RALYL: variants seen among roughly 807,000 people sequenced by gnomAD.
The protein encoded by RALYL is RALY RNA binding protein like.
In RALYL, 29 loss-of-function variants were observed where a neutral mutation model predicts 35.1. That is an observed-to-expected ratio of 0.83 (90% confidence interval 0.61 to 1.13). The LOEUF is 1.13. Ranked by LOEUF, RALYL falls within the 50% of genes most tolerant of loss-of-function variation. RALYL has a pLI of 0.00. For synonymous variants in RALYL, 120 were observed against 127.6 expected, an observed-to-expected ratio of 0.94 and a Z score of 0.40; for missense variants, 359 against 360.4, an observed-to-expected ratio of 1.00 and a Z score of 0.03.
intron 2 of RALYL, among the ~76,000 whole-genome samples, chr8:84,710,579 G>T (rs1366903505): frequency 6.7e-6 from 1 of 149,148 alleles, no homozygotes; most frequent in Non-Finnish European, 1.5e-5. Flanking sequence ...TGGGATTACA[G>T]TTGTGAGCCA....
intron 1 of RALYL, among the ~76,000 whole-genome samples, chr8:84,415,222 TTTTTGTTTTG>T (rs1213589684): frequency 7.3e-5 from 11 of 150,992 alleles, no homozygotes; most frequent in Non-Finnish European, 1.0e-4. Context: ...TTTTTTTGTT[TTTTTGTTTTG>T]TTTTGTTTTG....
intron 1 of RALYL, among the ~76,000 whole-genome samples, chr8:84,408,424 G>A (rs1010120323): frequency 9.9e-5 from 15 of 152,242 alleles, no homozygotes; most frequent in African/African-American, 3.6e-4. Flanking sequence ...AATAAAATAT[G>A]TCATCCAGCA....
In RALYL at chr8:84,223,217, C is replaced by CCTTCT. The variant is rs1822945110; in HGVS notation, c.-24+38797_-24+38798insTCTTC. The stretch of plus-strand genomic sequence containing the variant: ...TCCCTTCCCTTCCATTCCTCCCTTC[C>CCTTCT]CTTCCCTTCCCTTCCCTTCCCTTCC... On this transcript the variant is annotated intron_variant, in intron 1 of 8. Coordinates refer to ENST00000521268, the MANE Select transcript of RALYL (RefSeq NM_173848.7). 7.5e-5 allele frequency among the ~76,000 whole-genome samples: 4 copies of CCTTCT among 53,198 alleles called. 1 individual carries two copies. The highest frequency in any genetic ancestry group is 1.8e-4 in the Admixed American group (1 of 5,536). The allele number at this position is 53,198 out of a possible 152,430, so 34.9% of individuals were successfully genotyped here.
chr8:84,498,354 A>G (rs2134169881), intron 1 of RALYL, among the ~76,000 whole-genome samples: 1 of 152,220 alleles, frequency 6.6e-6, no homozygotes, highest in South Asian at 2.1e-4. Flanking sequence ...GAGCAATATC[A>G]AGTCTTTTTT....
chr8:84,768,399 T>C (rs1396135447), intron 2 of RALYL, among the ~76,000 whole-genome samples: 1 of 152,222 alleles, frequency 6.6e-6, no homozygotes, highest in Non-Finnish European at 1.5e-5. Flanking sequence ...ATGTTCACTA[T>C]GATTACCTGA....
chr8:84,440,330 G>A (rs1238421452), intron 1 of RALYL, among the ~76,000 whole-genome samples: 1 of 152,066 alleles, frequency 6.6e-6, no homozygotes, highest in Non-Finnish European at 1.5e-5. Context: ...AACTTTGTGA[G>A]AGACAAAATG....
chr8:84,407,995 A>G (rs2043720762), intron 1 of RALYL, among the ~76,000 whole-genome samples: 1 of 152,124 alleles, frequency 6.6e-6, no homozygotes, highest in East Asian at 1.9e-4. Context: ...ATTCGTAACC[A>G]CTATAACATA....
chr8:84,637,490 T>A (rs942557363), intron 2 of RALYL, among the ~76,000 whole-genome samples: 11 of 151,806 alleles, frequency 7.2e-5, no homozygotes, highest in Admixed American at 6.6e-4. Context: ...CAGAATCCAA[T>A]TAACAAGAGT....
In RALYL at chr8:84,529,573, A is replaced by G; in HGVS notation, c.252A>G (p.Pro84=). ...ATGCCAGAGTCATCGCCGGCCAACC[A>G]CTTGGTAAGTCATGCTCAGACATGG... ...GENARVIAGQ[P]LDINMAGEPK... is the part of the protein sequence containing the mutation. Residue 84 remains proline, a synonymous_variant, in exon 2 of 9, where the codon CCA becomes CCG. Coordinates refer to ENST00000521268, the MANE Select transcript of RALYL (RefSeq NM_173848.7). 1 of 1,606,486 alleles carries G rather than the reference A, an allele frequency of 6.2e-7. No homozygotes were observed. Among genetic ancestry groups the G allele is most frequent in the Admixed American group, 1.7e-5 (1 of 59,840 alleles).
chr8:84,251,936 T>C (rs1830277709), intron 1 of RALYL, among the ~76,000 whole-genome samples: 1 of 134,960 alleles, frequency 7.4e-6, no homozygotes, highest in Non-Finnish European at 1.8e-5. Flanking sequence ...TAGTTTTTTG[T>C]TTGTTTGTTT....
At chr8:84,873,144 G>C in intron 6 of RALYL, 140 bp from the exon 7 acceptor site, 2 of 498,454 alleles carry the variant, frequency 4.0e-6, no homozygotes. Context: ...TAGAAGTAAT[G>C]TGAAGTTGAT....
chr8:84,437,117 T>A (rs993353784), intron 1 of RALYL, among the ~76,000 whole-genome samples: 2 of 152,112 alleles, frequency 1.3e-5, no homozygotes, highest in African/African-American at 4.8e-5. Context: ...AATGAGAACA[T>A]GTTGTATTTG....
intron 2 of RALYL, among the ~76,000 whole-genome samples, chr8:84,579,347 G>C (rs901498744): frequency 2.0e-5 from 3 of 152,156 alleles, no homozygotes; most frequent in Non-Finnish European, 4.4e-5. Context: ...TGTGGGCAAG[G>C]GGCTTCCTGG....
chr8:84,519,035 C>A (rs755649362), intron 1 of RALYL, among the ~76,000 whole-genome samples: 2 of 152,166 alleles, frequency 1.3e-5, no homozygotes, highest in African/African-American at 2.4e-5. Context: ...AGTGAATATA[C>A]AAGAACAGTC....
intron 1 of RALYL, among the ~76,000 whole-genome samples, chr8:84,497,697 A>AGTGG (rs1457418080): frequency 7.2e-6 from 1 of 138,232 alleles, no homozygotes; most frequent in Non-Finnish European, 1.5e-5. Context: ...GCTGGAGTGC[A>AGTGG]GTGGCATGAT....
intron 1 of RALYL, among the ~76,000 whole-genome samples, chr8:84,281,020 T>TA (rs2132078236): frequency 6.6e-6 from 1 of 152,288 alleles, no homozygotes; most frequent in South Asian, 2.1e-4. Flanking sequence ...ATCACCAGGA[T>TA]AGATGCTTGT....
intron 8 of RALYL, among the ~76,000 whole-genome samples, chr8:84,917,633 T>C (rs1848694184): frequency 6.6e-6 from 1 of 151,392 alleles, no homozygotes; most frequent in Non-Finnish European, 1.5e-5. Flanking sequence ...TGATTCACTG[T>C]CCTATACTCT....
intron 2 of RALYL, among the ~76,000 whole-genome samples, chr8:84,770,599 C>T (rs1815234491): frequency 1.3e-5 from 2 of 152,080 alleles, no homozygotes; most frequent in Admixed American, 1.3e-4. Flanking sequence ...GGTAGTTCTA[C>T]TTTTAGTTTC....
intron 1 of RALYL, among the ~76,000 whole-genome samples, chr8:84,275,029 G>C (rs1047350354): frequency 1.3e-5 from 2 of 152,126 alleles, no homozygotes; most frequent in African/African-American, 4.8e-5. Flanking sequence ...TGTTCCTCTT[G>C]TACCAATCAA....
Sources: gnomAD v4.1 joint callset for allele counts (sites outside exome capture counted in the v4.1 genomes callset) on GRCh38, gnomAD v4.1.1 for gene constraint, MANE v1.5 for transcripts, NCBI Gene and HGNC (gene_info 2026-07-23, HGNC 2026-07-21) for gene names.